CDON: variants seen among roughly 807,000 people sequenced by gnomAD.
The protein encoded by CDON is cell adhesion associated, oncogene regulated.
In CDON, 73 loss-of-function variants were observed where a neutral mutation model predicts 120.9. The ratio of observed to expected loss-of-function variants is 0.60; its 90% CI spans 0.50 to 0.73. CDON has a LOEUF of 0.73. CDON is among the 30% of genes least tolerant of loss of function. The probability of loss-of-function intolerance (pLI) is 0.00; values close to 1 mark genes in which losing one functional copy is unlikely to be tolerated. For missense variants in CDON, 1,470 were observed against 1,587.3 expected (o/e 0.93, Z 1.26); for synonymous variants, 566 against 573.5 (o/e 0.99, Z 0.19).
At chr11:125,965,651 G>C (rs1302516161) in intron 18 of CDON, among the ~76,000 whole-genome samples, 2 of 152,174 alleles carry the variant, frequency 1.3e-5, no homozygotes, top group African/African-American at 4.8e-5. Context: ...CTAAAAATAA[G>C]AGTGAAGCAG....
intron 1 of CDON, among the ~76,000 whole-genome samples, chr11:126,050,528 AC>A (rs1591433506): frequency 6.6e-6 from 1 of 151,378 alleles, no homozygotes; most frequent in South Asian, 2.1e-4. Context: ...ACACACACAC[AC>A]ACAAACAAAA....
At chr11:125,989,278 G>A (rs1946558177) in intron 15 of CDON, among the ~76,000 whole-genome samples, 1 of 152,214 alleles carries the variant, frequency 6.6e-6, no homozygotes, top group Non-Finnish European at 1.5e-5. Flanking sequence ...GCTCACGCCT[G>A]TAATCCTAGC....
rs545181676 is a variant in CDON, at chr11:125,963,850, CAT to C, written c.3357-1854_3357-1853del. Among the ~76,000 whole-genome samples the C allele has an allele frequency of 2.2e-3, 337 of 152,314 alleles. 2 individuals are homozygous for C. Among genetic ancestry groups the C allele is most frequent in the African/African-American group, 7.3e-3 (305 of 41,570 alleles). On this transcript the variant is annotated intron_variant, in intron 18 of 19. Coordinates refer to ENST00000531738, the MANE Select transcript of CDON (RefSeq NM_001378964.1). Reference sequence around the variant, plus strand: ...TAGATGTAACCTATGTGTTTCCACACATGTCTTCAGTGAATAAATAGTGAAGA... The same window carrying C: ...TAGATGTAACCTATGTGTTTCCACACGTCTTCAGTGAATAAATAGTGAAGA...
intron 8 of CDON, 28 bp from the exon 9 acceptor site, chr11:126,006,085 T>C: frequency 6.3e-7 from 1 of 1,599,124 alleles, no homozygotes; most frequent in Non-Finnish European, 8.6e-7. Flanking sequence ...GGAGACAGCT[T>C]GAAGATACTC....
chr11:126,023,048 C>G (rs1947683412), intron 2 of CDON, among the ~76,000 whole-genome samples: 2 of 152,160 alleles, frequency 1.3e-5, no homozygotes, highest in Admixed American at 1.3e-4. Context: ...TCTAAAACTT[C>G]TCTTTGGTAT....
At chr11:126,001,912 AAG>A in intron 10 of CDON, 62 bp from the exon 11 acceptor site, 1 of 1,298,068 alleles carries the variant, frequency 7.7e-7, no homozygotes, top group Non-Finnish European at 1.1e-6. Context: ...GTGGAAAAAA[AAG>A]AGTACTGTGA....
intron 6 of CDON, among the ~76,000 whole-genome samples, chr11:126,015,757 A>C (rs1456536962): frequency 6.6e-6 from 1 of 152,166 alleles, no homozygotes; most frequent in East Asian, 1.9e-4. Flanking sequence ...TTAACTCCCC[A>C]CAACATACGC....
intron 1 of CDON, among the ~76,000 whole-genome samples, chr11:126,053,125 T>C (rs1312951760): frequency 2.0e-5 from 3 of 152,174 alleles, no homozygotes; most frequent in Non-Finnish European, 4.4e-5. Flanking sequence ...ATAATTCTTA[T>C]TACTGTAGAA....
chr11:126,037,243 G>A (rs1438284995), intron 1 of CDON, among the ~76,000 whole-genome samples: 1 of 151,954 alleles, frequency 6.6e-6, no homozygotes, highest in Non-Finnish European at 1.5e-5. Context: ...CTGGACCACA[G>A]GTGTGCACCA....
Position 126,015,377 on chromosome 11 carries a change from A to C in CDON, c.1062T>G (p.Pro354=), listed in dbSNP as rs1195630667. The C allele has an allele frequency of 5.6e-6, 9 of 1,614,088 alleles. No individual in the cohort carries two copies. The highest frequency in any genetic ancestry group is 7.6e-6 in the Non-Finnish European group (9 of 1,180,044). Residue 354 remains proline (P), a synonymous_variant, in exon 7 of 20, where the codon CCT becomes CCG. Coordinates refer to ENST00000531738, the MANE Select transcript of CDON (RefSeq NM_001378964.1). ...TWFHNAQPIH[P]SARHLTAGNG... is the part of the protein sequence containing the mutation. The stretch of plus-strand genomic sequence containing the variant: ...TTCCTGCAGTTAGATGTCGTGCAGA[A>C]GGATGAATAGGCTGTGCATTGTGAA...
intron 18 of CDON, among the ~76,000 whole-genome samples, chr11:125,978,025 C>T (rs966120431): frequency 6.6e-6 from 1 of 151,930 alleles, no homozygotes; most frequent in Non-Finnish European, 1.5e-5. Flanking sequence ...GAGAATGACT[C>T]TAATTTAAAA....
At chr11:125,981,947 A>C (rs1056342854) in intron 16 of CDON, among the ~76,000 whole-genome samples, 6 of 146,228 alleles carry the variant, frequency 4.1e-5, no homozygotes, top group African/African-American at 1.5e-4. Context: ...TGGAGTACCA[A>C]AGGCAAAAAG....
chr11:126,028,827 G>A (rs1947872361), intron 1 of CDON, among the ~76,000 whole-genome samples: 3 of 150,976 alleles, frequency 2.0e-5, no homozygotes, highest in Admixed American at 2.0e-4. Flanking sequence ...ATGTATGTGT[G>A]TGTGTGTATA....
intron 1 of CDON, among the ~76,000 whole-genome samples, chr11:126,042,969 G>A (rs775898074): frequency 1.3e-5 from 2 of 152,108 alleles, no homozygotes; most frequent in African/African-American, 2.4e-5. Flanking sequence ...CTGGAGGCAG[G>A]GAACCTAAGG....
At chr11:125,981,435 C>T (rs1287004370) in intron 16 of CDON, 106 bp from the exon 17 acceptor site, 15 of 1,205,452 alleles carry the variant, frequency 1.2e-5, no homozygotes, top group Non-Finnish European at 1.8e-5. Flanking sequence ...CACACGCACA[C>T]ACGCACACAG....
At chr11:126,043,693 G>A (rs897605491) in intron 1 of CDON, among the ~76,000 whole-genome samples, 5 of 152,192 alleles carry the variant, frequency 3.3e-5, no homozygotes, top group Non-Finnish European at 5.9e-5. Context: ...AAGCCTTCCC[G>A]CGCCATACAC....
intron 4 of CDON, among the ~76,000 whole-genome samples, chr11:126,018,704 G>A (rs925846438): frequency 7.2e-5 from 11 of 152,058 alleles, no homozygotes; most frequent in Admixed American, 6.6e-5. Context: ...AAGTAGCTGG[G>A]ACTACAGGTG....
At chr11:126,046,727 T>C (rs1442599995) in intron 1 of CDON, among the ~76,000 whole-genome samples, 3 of 152,078 alleles carry the variant, frequency 2.0e-5, no homozygotes, top group East Asian at 1.9e-4. Flanking sequence ...ACTGTACTTA[T>C]CCTGGCCAGC....
At position 125,958,206 on chromosome 11, in the gene CDON, T is replaced by C. The variant is rs1329611031; in HGVS notation, c.*2736A>G. 6.6e-6 allele frequency: 1 copy of C among 152,192 alleles called. No individual in the cohort carries two copies. Among genetic ancestry groups the C allele is most frequent in the African/African-American group, 2.4e-5 (1 of 41,444 alleles). The allele number at this position is 152,192 out of a possible 1,614,324, so 9.4% of individuals were successfully genotyped here. A position where few individuals can be genotyped will look rare whatever the true frequency, so the allele number is the denominator to read the frequency against. On this transcript the variant is annotated 3_prime_UTR_variant, in exon 20 of 20. Transcript: ENST00000531738. ...GTTCCATCCAAAGAGTGAACCACAA[T>C]GCTTTTGGAAAGCAGTATGGAAAAA...
Sources: gnomAD v4.1 joint callset for allele counts (sites outside exome capture counted in the v4.1 genomes callset) on GRCh38, gnomAD v4.1.1 for gene constraint, MANE v1.5 for transcripts, NCBI Gene and HGNC (gene_info 2026-07-23, HGNC 2026-07-21) for gene names.